TRPM1: variants seen among roughly 807,000 people sequenced by gnomAD.
TRPM1 encodes TRPM1-203 APA Isoform, Intron 10.
TRPM1 carries 113 observed loss-of-function variants against 149.4 expected under a neutral mutation model. The observed-to-expected ratio is 0.76, with a 90% CI of 0.65 to 0.88. TRPM1 has a LOEUF of 0.88. Ranked by LOEUF, TRPM1 falls within the 40% of genes least tolerant of loss-of-function variation. The pLI, the probability that TRPM1 is intolerant of heterozygous loss-of-function variation, is 0.00. For missense variants in TRPM1, 1,976 were observed against 2,038.7 expected, an observed-to-expected ratio of 0.97 and a Z score of 0.59; for synonymous variants, 741 against 759.5, an observed-to-expected ratio of 0.98 and a Z score of 0.40.
At chr15:31,112,285 C>G in intron 1 of TRPM1, among the ~76,000 whole-genome samples, 1 of 152,162 alleles carries the variant, frequency 6.6e-6, no homozygotes, top group African/African-American at 2.4e-5. Flanking sequence ...TTGAGATCAG[C>G]CTGACCAACA....
At chr15:31,086,445 G>A (rs35560145) in intron 1 of TRPM1, among the ~76,000 whole-genome samples, 3,473 of 152,360 alleles carry the variant, frequency 0.023, 69 homozygotes, top group Non-Finnish European at 0.038. Flanking sequence ...GCAGCCCCCT[G>A]CCCCATCGCA....
rs200673520 is a variant in TRPM1, at chr15:31,050,604, G to A, written c.1264-22C>T. On this transcript the variant is annotated intron_variant, in intron 11 of 27. Coordinates refer to ENST00000256552, the MANE Select transcript of TRPM1 (RefSeq NM_001252024.2). ...GGGGCTGCAGTCCACAGCAATCAGA[G>A]TTGGGAAATGGTACTAAGGCTCTTT... is the stretch of plus-strand genomic sequence containing the variant. 31 of 1,613,790 alleles carry A rather than the reference G, an allele frequency of 1.9e-5. No homozygotes were observed. The South Asian group carries it at 3.0e-4, about 15-fold the overall frequency.
chr15:31,033,054 A>G (rs1030179947), intron 21 of TRPM1, 114 bp from the exon 22 acceptor site: 4 of 1,454,256 alleles, frequency 2.8e-6, no homozygotes, highest in Non-Finnish European at 3.8e-6. Flanking sequence ...CCCCTTTCCT[A>G]CTCAAAACGT....
chr15:31,131,830 C>A (rs533792045), intron 1 of TRPM1, among the ~76,000 whole-genome samples: 2 of 151,932 alleles, frequency 1.3e-5, no homozygotes, highest in East Asian at 3.9e-4. Flanking sequence ...GCCCCCACCC[C>A]CCTGCTGCCC....
At chr15:31,081,087 T>C (rs1197509863) in intron 2 of TRPM1, among the ~76,000 whole-genome samples, 1 of 151,960 alleles carries the variant, frequency 6.6e-6, no homozygotes, top group African/African-American at 2.4e-5. Context: ...ATGAAGGTCA[T>C]CTGTGATGAC....
intron 1 of TRPM1, among the ~76,000 whole-genome samples, chr15:31,130,905 C>T (rs908744315): frequency 3.9e-5 from 6 of 152,174 alleles, no homozygotes; most frequent in East Asian, 1.9e-4. Flanking sequence ...GCCAGCTCTG[C>T]GTGAATTAAA....
In TRPM1 at chr15:31,010,889, G is replaced by C. The variant is rs558872400; in HGVS notation, c.3630-7819C>G. On this transcript the variant is annotated intron_variant, in intron 27 of 27. Transcript: ENST00000256552. ...ATTAGAGCCTACAACTATTATTTGAGAACTATCTGCTTCTCCCTTCAATTC... is the reference window on the plus strand; with the variant it reads ...ATTAGAGCCTACAACTATTATTTGACAACTATCTGCTTCTCCCTTCAATTC... Among the ~76,000 whole-genome samples, 5 of 152,276 alleles carry C rather than the reference G, an allele frequency of 3.3e-5. No individual in the cohort carries two copies. The South Asian group carries it at 1.0e-3, about 32-fold the overall frequency.
chr15:31,137,759 A>G (rs149073030), intron 1 of TRPM1, among the ~76,000 whole-genome samples: 1 of 152,358 alleles, frequency 6.6e-6, no homozygotes, highest in Admixed American at 6.5e-5. Context: ...GGAATTGCCT[A>G]TATTCTCAGA....
intron 1 of TRPM1, among the ~76,000 whole-genome samples, chr15:31,085,349 T>G (rs2034971338): frequency 6.6e-6 from 1 of 152,208 alleles, no homozygotes; most frequent in Non-Finnish European, 1.5e-5. Flanking sequence ...TTAGGACATA[T>G]GCATATTTAA....
upstream of TRPM1, among the ~76,000 whole-genome samples, chr15:31,104,884 A>G (rs117866215): frequency 0.039 from 5,894 of 151,846 alleles, 175 homozygotes; most frequent in Admixed American, 0.055. Flanking sequence ...GTGAGCCACC[A>G]TGCCCAGCTG....
chr15:31,145,652 G>A (rs1311224521), intron 1 of TRPM1, among the ~76,000 whole-genome samples: 2 of 152,036 alleles, frequency 1.3e-5, no homozygotes, highest in South Asian at 2.1e-4. Context: ...ATGTAACAAC[G>A]GAACAGGGAG....
At chr15:31,090,638 A>G (rs2035209962) in intron 1 of TRPM1, among the ~76,000 whole-genome samples, 1 of 150,936 alleles carries the variant, frequency 6.6e-6, no homozygotes, top group Admixed American at 6.6e-5. Context: ...CTCCATCTCA[A>G]AAACAAAAAA....
chr15:31,092,799 C>T (rs897977281), intron 1 of TRPM1, among the ~76,000 whole-genome samples: 3 of 152,074 alleles, frequency 2.0e-5, no homozygotes, highest in Non-Finnish European at 4.4e-5. Flanking sequence ...CACACAGCAG[C>T]GAGAACAGAC....
chr15:31,059,213 C>G (rs1449966159), intron 11 of TRPM1, among the ~76,000 whole-genome samples: 1 of 152,162 alleles, frequency 6.6e-6, no homozygotes, highest in Non-Finnish European at 1.5e-5. Flanking sequence ...TACACATGAT[C>G]AATCAATAAA....
At chr15:31,037,879 C>T (rs1284359610) in intron 19 of TRPM1, 37 bp from the exon 20 acceptor site, 1 of 1,613,856 alleles carries the variant, frequency 6.2e-7, no homozygotes, top group Non-Finnish European at 8.5e-7. Context: ...AGGCAGGTGG[C>T]TAAATGGGAA....
intron 27 of TRPM1, among the ~76,000 whole-genome samples, chr15:31,019,006 C>T (rs2032465241): frequency 6.6e-6 from 1 of 152,198 alleles, no homozygotes; most frequent in South Asian, 2.1e-4. Context: ...AGTTGCCCTT[C>T]ACCTGCAAGG....
At chr15:31,017,316 A>G (rs1394652819) in intron 27 of TRPM1, among the ~76,000 whole-genome samples, 1 of 152,210 alleles carries the variant, frequency 6.6e-6, no homozygotes, top group African/African-American at 2.4e-5. Context: ...CTCAAAATAC[A>G]TAAATAAAAT....
At chr15:31,075,590 G>GGC (rs1567036721) in intron 3 of TRPM1, among the ~76,000 whole-genome samples, 2 of 152,176 alleles carry the variant, frequency 1.3e-5, no homozygotes, top group African/African-American at 4.8e-5. Context: ...TCAGCAACAG[G>GGC]TGGTAAGGGA....
At chr15:31,066,678 A>G (rs2034385518) in intron 6 of TRPM1, among the ~76,000 whole-genome samples, 3 of 152,210 alleles carry the variant, frequency 2.0e-5, no homozygotes, top group African/African-American at 7.2e-5. Flanking sequence ...AACTATGTGG[A>G]GTGAAAAAAA....
Sources: gnomAD v4.1 joint callset for allele counts (sites outside exome capture counted in the v4.1 genomes callset) on GRCh38, gnomAD v4.1.1 for gene constraint, MANE v1.5 for transcripts, NCBI Gene and HGNC (gene_info 2026-07-23, HGNC 2026-07-21) for gene names.